The following SLC36A1 variants were observed in gnomAD, a reference collection of about 807,000 sequenced individuals.
The protein encoded by SLC36A1 is solute carrier family 36 member 1.
A neutral mutation model predicts 47.5 loss-of-function variants in SLC36A1; 30 were observed. The ratio of observed to expected loss-of-function variants is 0.63; its 90% CI spans 0.47 to 0.86. SLC36A1 has a LOEUF of 0.86. Among genes scored for constraint, SLC36A1 ranks in the 40% least tolerant of loss-of-function variants. The probability of loss-of-function intolerance (pLI) is 0.00; values close to 1 mark genes in which losing one functional copy is unlikely to be tolerated. For synonymous variants in SLC36A1, 255 were observed against 249.7 expected, an observed-to-expected ratio of 1.02 and a Z score of -0.20; for missense variants, 517 against 606.0, an observed-to-expected ratio of 0.85 and a Z score of 1.54.
At chr5:151,458,981 C>T (rs747965601) in intron 2 of SLC36A1, 46 bp downstream of exon 2, 3 of 1,563,346 alleles carry the variant, frequency 1.9e-6, no homozygotes. Context: ...ATTCGTGTTC[C>T]TAAGCCTCCC....
chr5:151,399,086 T>TATA, the SLC36A1 span, among the ~76,000 whole-genome samples: 65 of 49,826 alleles, frequency 1.3e-3, no homozygotes, highest in African/African-American at 6.0e-3. Flanking sequence ...ATATATATAT[T>TATA]TTTTTTTTTT....
the SLC36A1 span, among the ~76,000 whole-genome samples, chr5:151,497,399 T>C: frequency 6.6e-6 from 1 of 152,224 alleles, no homozygotes; most frequent in Non-Finnish European, 1.5e-5. Flanking sequence ...ATTGATTGAT[T>C]TTTGAATATT....
At chr5:151,510,355 C>A in the SLC36A1 span, 6 of 619,548 alleles carry the variant, frequency 9.7e-6, no homozygotes, top group Admixed American at 3.0e-5. Context: ...GCACTTTGGT[C>A]CCTGCCCTCA....
At chr5:151,434,932 G>A (rs1015492035), upstream of SLC36A1, among the ~76,000 whole-genome samples, 2 of 152,148 alleles carry the variant, frequency 1.3e-5, no homozygotes, top group African/African-American at 4.8e-5. Flanking sequence ...TGTTATAGCA[G>A]CCCAAACTGA....
At chr5:151,474,434 G>A (rs933839646) in intron 8 of SLC36A1, among the ~76,000 whole-genome samples, 5 of 152,086 alleles carry the variant, frequency 3.3e-5, no homozygotes, top group African/African-American at 4.8e-5. Context: ...GTGTGACCTT[G>A]AGCAAGGGCT....
the SLC36A1 span, among the ~76,000 whole-genome samples, chr5:151,358,653 C>T: frequency 1.3e-4 from 20 of 152,256 alleles, no homozygotes; most frequent in African/African-American, 4.1e-4. Context: ...TCAGTGGGCA[C>T]GACAACCGCC....
chr5:151,462,969 G>A (rs549089406), intron 2 of SLC36A1, among the ~76,000 whole-genome samples: 6 of 151,422 alleles, frequency 4.0e-5, no homozygotes, highest in African/African-American at 9.7e-5. Flanking sequence ...TCTGCCTCCC[G>A]GGTTCAAGCA....
the SLC36A1 span, among the ~76,000 whole-genome samples, chr5:151,522,867 G>A: frequency 6.6e-6 from 1 of 152,202 alleles, no homozygotes; most frequent in Non-Finnish European, 1.5e-5. Context: ...TGATGGGCTG[G>A]CACGCGCAGG....
the SLC36A1 span, among the ~76,000 whole-genome samples, chr5:151,363,094 T>C: frequency 6.6e-6 from 1 of 152,232 alleles, no homozygotes; most frequent in African/African-American, 2.4e-5. Flanking sequence ...AGATTCTTTG[T>C]TATTTACCTG....
chr5:151,350,293 T>C, the SLC36A1 span, among the ~76,000 whole-genome samples: 2 of 152,326 alleles, frequency 1.3e-5, no homozygotes, highest in East Asian at 3.9e-4. Flanking sequence ...AGGTAGGCAC[T>C]ATGATTACCC....
chr5:151,497,710 T>A, the SLC36A1 span, among the ~76,000 whole-genome samples: 22,172 of 152,170 alleles, frequency 0.15, 1,986 homozygotes, highest in Non-Finnish European at 0.21. Context: ...TGCAGAATTC[T>A]TGTTGAGGGG....
chr5:151,501,781 A>G, the SLC36A1 span, among the ~76,000 whole-genome samples: 2 of 148,388 alleles, frequency 1.3e-5, no homozygotes, highest in Non-Finnish European at 2.9e-5. Flanking sequence ...CAGCCTTTTC[A>G]GCAAATGGTG....
the SLC36A1 span, among the ~76,000 whole-genome samples, chr5:151,539,899 T>C: frequency 6.6e-6 from 1 of 152,148 alleles, no homozygotes; most frequent in African/African-American, 2.4e-5. Flanking sequence ...AATTGCCCTG[T>C]CTCGTGTTTG....
the SLC36A1 span, chr5:151,525,833 C>A: frequency 6.2e-7 from 1 of 1,614,156 alleles, no homozygotes; most frequent in East Asian, 2.2e-5. Flanking sequence ...ACCAGCCATC[C>A]ATCCGGGGTC....
chr5:151,443,413 A>T (rs1473536080), upstream of SLC36A1, among the ~76,000 whole-genome samples: 1 of 152,180 alleles, frequency 6.6e-6, no homozygotes, highest in African/African-American at 2.4e-5. Context: ...CATCTCCCTG[A>T]TGATTAATGA....
chr5:151,346,472 T>C, the SLC36A1 span, among the ~76,000 whole-genome samples: 1 of 152,132 alleles, frequency 6.6e-6, no homozygotes, highest in Non-Finnish European at 1.5e-5. Context: ...CTGTTTTGCA[T>C]GTCAGAAAAC....
the SLC36A1 span, chr5:151,534,436 C>G: frequency 7.5e-6 from 12 of 1,610,254 alleles, no homozygotes; most frequent in Non-Finnish European, 9.3e-6. Context: ...GCAAATACTA[C>G]AGCCACAGGG....
At chr5:151,498,900 G>A in the SLC36A1 span, among the ~76,000 whole-genome samples, 1 of 152,156 alleles carries the variant, frequency 6.6e-6, no homozygotes, top group Non-Finnish European at 1.5e-5. Flanking sequence ...TCCCTCCTCT[G>A]GTTATCCTCA....
the SLC36A1 span, among the ~76,000 whole-genome samples, chr5:151,524,509 A>G: frequency 5.3e-5 from 8 of 152,060 alleles, no homozygotes; most frequent in Non-Finnish European, 1.0e-4. Flanking sequence ...CCATGCTGGC[A>G]CCCCGATCTG....
Sources: allele counts gnomAD v4.1 joint callset (sites outside exome capture counted in the v4.1 genomes callset), GRCh38; gene constraint gnomAD v4.1.1; transcripts MANE v1.5; gene names NCBI Gene and HGNC (gene_info 2026-07-23, HGNC 2026-07-21).